ANKRD30B: variants seen among roughly 807,000 people sequenced by gnomAD.
ANKRD30B encodes ankyrin repeat domain 30B.
In ANKRD30B, 144 loss-of-function variants were observed where a neutral mutation model predicts 202.2. The observed-to-expected ratio is 0.71, with a 90% CI of 0.62 to 0.82. The LOEUF is 0.82. Among genes scored for constraint, ANKRD30B ranks in the 40% least tolerant of loss-of-function variants. The pLI is 0.00. For synonymous variants in ANKRD30B, 508 were observed against 561.3 expected, an observed-to-expected ratio of 0.91 and a Z score of 1.34; for missense variants, 1,487 against 1,669.1, an observed-to-expected ratio of 0.89 and a Z score of 1.90.
At chr18:14,804,779 G>A (rs1463789961) in intron 24 of ANKRD30B, among the ~76,000 whole-genome samples, 1 of 150,928 alleles carries the variant, frequency 6.6e-6, no homozygotes, top group East Asian at 1.9e-4. Context: ...AAAGGAAAGA[G>A]TGTGTGTTGA....
chr18:14,825,666 C>T (rs1184426306), intron 32 of ANKRD30B, among the ~76,000 whole-genome samples: 1 of 152,004 alleles, frequency 6.6e-6, no homozygotes, highest in Admixed American at 6.6e-5. Context: ...CTATAACTAT[C>T]TTTATAATTT....
At chr18:14,865,198 AC>A in the ANKRD30B span, among the ~76,000 whole-genome samples, 1 of 146,176 alleles carries the variant, frequency 6.8e-6, no homozygotes, top group African/African-American at 2.6e-5. Context: ...TTTTCGCAAA[AC>A]CTTTTCACTT....
At position 14,852,349 on chromosome 18, in the gene ANKRD30B, G is replaced by T. The variant is rs941729562; in HGVS notation, c.4405G>T (p.Glu1469Ter). 6.5e-7 allele frequency: 1 copy of T among 1,542,238 alleles called. No individual in the cohort carries two copies. The highest frequency in any genetic ancestry group is 2.1e-5 in the Admixed American group (1 of 47,844). The stretch of plus-strand genomic sequence containing the variant: ...ACGTCATCTAAACGAGAAAAATGAG[G>T]AGGTATTCAATTATGGTAACCATTT... ...MQRHLNEKNE[E>*]VFNYGNHLKE... Residue 1469 changes from glutamate (E) to a stop codon, truncating the protein, a stop_gained, in exon 42 of 44, where the codon GAG (glutamate) becomes TAG (stop). Transcript: ENST00000690538. LOFTEE classifies it high-confidence loss of function.
chr18:14,826,693 T>TCTCTCTCTCACACACACA lies in ANKRD30B; in HGVS notation c.2744-1584_2744-1583insTCTCTCTCACACACACAC, dbSNP rs762792279. 1.1e-4 allele frequency among the ~76,000 whole-genome samples: 14 copies of TCTCTCTCTCACACACACA among 125,040 alleles called. No homozygotes were observed. The East Asian group carries it at 3.1e-3, about 27-fold the overall frequency. 82.0% of individuals were successfully genotyped at this position (125,040 alleles called of 152,430 possible). On this transcript the variant is annotated intron_variant, in intron 32 of 43. Coordinates refer to ENST00000690538, the MANE Select transcript of ANKRD30B (RefSeq NM_001367607.2). ...CTCTCTCCCCCTCTCTCTCTCTCTC[T>TCTCTCTCTCACACACACA]CACACACACACACACACACACACAC...
intron 1 of ANKRD30B, among the ~76,000 whole-genome samples, chr18:14,749,115 A>C (rs1441542787): frequency 6.6e-6 from 1 of 152,236 alleles, no homozygotes. Flanking sequence ...TTTTGATATC[A>C]ATGAATGTCT....
chr18:14,908,276 G>A, the ANKRD30B span, among the ~76,000 whole-genome samples: 1 of 152,142 alleles, frequency 6.6e-6, no homozygotes, highest in African/African-American at 2.4e-5. Context: ...CCCTGCAAGT[G>A]CCTCAGGGAA....
At chr18:14,761,730 A>G (rs1027576117) in intron 6 of ANKRD30B, among the ~76,000 whole-genome samples, 30 of 152,066 alleles carry the variant, frequency 2.0e-4, no homozygotes, top group African/African-American at 5.6e-4. Flanking sequence ...TTATTTATTT[A>G]TTGTAGAGAC....
chr18:14,879,836 G>C, the ANKRD30B span, among the ~76,000 whole-genome samples: 12 of 149,428 alleles, frequency 8.0e-5, no homozygotes, highest in East Asian at 2.4e-3. Flanking sequence ...TTTGTGGGTT[G>C]TCTACTCTGC....
chr18:14,831,181 GAA>G (rs71305894), intron 33 of ANKRD30B, among the ~76,000 whole-genome samples, 200 bp from the exon 34 acceptor site: 22 of 52,352 alleles, frequency 4.2e-4, no homozygotes, highest in South Asian at 4.2e-3. Flanking sequence ...CTCCGTCTCG[GAA>G]AAAAAAAAAA....
chr18:14,888,715 C>G, the ANKRD30B span: 4 of 815,342 alleles, frequency 4.9e-6, no homozygotes, highest in Non-Finnish European at 7.5e-6. Flanking sequence ...TAAGTTATTG[C>G]CATAGGAAGA....
chr18:14,808,926 G>T (rs544254384), intron 26 of ANKRD30B, among the ~76,000 whole-genome samples, 182 bp downstream of exon 26: 1 of 150,920 alleles, frequency 6.6e-6, no homozygotes, highest in East Asian at 1.9e-4. Context: ...AAGATTTAGA[G>T]ATAAAAAAAA....
the ANKRD30B span, among the ~76,000 whole-genome samples, chr18:14,875,019 G>T: frequency 6.6e-6 from 1 of 152,188 alleles, no homozygotes; most frequent in Non-Finnish European, 1.5e-5. Flanking sequence ...CAAATCAACA[G>T]TGACTTGAAC....
At chr18:14,761,710 TTTTA>T (rs538761255) in intron 6 of ANKRD30B, among the ~76,000 whole-genome samples, 1 of 152,104 alleles carries the variant, frequency 6.6e-6, no homozygotes, top group African/African-American at 2.4e-5. Flanking sequence ...AGAAACATGG[TTTTA>T]TTTATTTATT....
At chr18:14,894,849 T>C in the ANKRD30B span, among the ~76,000 whole-genome samples, 1 of 115,344 alleles carries the variant, frequency 8.7e-6, no homozygotes, top group Non-Finnish European at 1.8e-5. Context: ...ATCCAACATA[T>C]ACAAAAAACA....
the ANKRD30B span, among the ~76,000 whole-genome samples, chr18:14,925,871 G>C: frequency 1.3e-5 from 2 of 152,214 alleles, no homozygotes; most frequent in African/African-American, 4.8e-5. Flanking sequence ...ACCTGACCCT[G>C]TAAGGGGAGC....
chr18:14,927,807 G>C, the ANKRD30B span, among the ~76,000 whole-genome samples: 1 of 152,144 alleles, frequency 6.6e-6, no homozygotes, highest in Non-Finnish European at 1.5e-5. Context: ...TTGATGCCAA[G>C]AGTCTTATAC....
chr18:14,780,034 A>G lies in ANKRD30B; in HGVS notation c.1482+13A>G, dbSNP rs1967623309. The stretch of plus-strand genomic sequence containing the variant: ...TTGGGATTCTGGGGTATTGTGTATT[A>G]TTGCTGTTATTATTCTCTAAAAATA... On this transcript the variant is annotated intron_variant, in intron 11 of 43. Transcript: ENST00000690538. The G allele has an allele frequency of 1.3e-6, 2 of 1,587,714 alleles. No homozygotes were observed. The highest frequency in any genetic ancestry group is 1.7e-6 in the Non-Finnish European group (2 of 1,160,710).
the ANKRD30B span, among the ~76,000 whole-genome samples, chr18:14,924,092 T>C: frequency 6.6e-6 from 1 of 152,216 alleles, no homozygotes; most frequent in Non-Finnish European, 1.5e-5. Context: ...CATACACTGG[T>C]CATGTCACCT....
the ANKRD30B span, among the ~76,000 whole-genome samples, chr18:14,894,041 C>G: frequency 6.6e-6 from 1 of 151,978 alleles, no homozygotes; most frequent in African/African-American, 2.4e-5. Flanking sequence ...GACCATTTAG[C>G]CTTGCCAGCA....
Sources: gnomAD v4.1 joint callset for allele counts (sites outside exome capture counted in the v4.1 genomes callset) on GRCh38, gnomAD v4.1.1 for gene constraint, MANE v1.5 for transcripts, NCBI Gene and HGNC (gene_info 2026-07-23, HGNC 2026-07-21) for gene names.